TSPAN18: variants seen among roughly 807,000 people sequenced by gnomAD.
The protein encoded by TSPAN18 is tetraspanin 18.
Under a neutral mutation model 27.3 loss-of-function variants are expected in TSPAN18, and 14 were observed. The observed-to-expected ratio is 0.51, with a 90% CI of 0.34 to 0.80. The LOEUF (loss-of-function observed/expected upper bound fraction) is 0.80, where lower values mean the gene tolerates loss of function less well. TSPAN18 is among the 30% of genes least tolerant of loss of function. The pLI is 0.01. For missense variants in TSPAN18, 268 were observed against 323.9 expected (o/e 0.83, Z 1.32); for synonymous variants, 143 against 136.5 (o/e 1.05, Z -0.33).
chr11:44,923,310 G>C (rs987762200), intron 8 of TSPAN18, among the ~76,000 whole-genome samples: 1 of 152,110 alleles, frequency 6.6e-6, no homozygotes, highest in Non-Finnish European at 1.5e-5. Flanking sequence ...GTGGCAGCAG[G>C]GGGTGGGGGA....
intron 1 of TSPAN18, among the ~76,000 whole-genome samples, chr11:44,742,043 T>TTATC (rs33986339): frequency 0.18 from 27,106 of 152,114 alleles, 2,614 homozygotes; most frequent in Middle Eastern, 0.25. Flanking sequence ...AGTGGGATTT[T>TTATC]TATCTCCATT....
At chr11:44,749,632 C>CT (rs71894571) in intron 1 of TSPAN18, among the ~76,000 whole-genome samples, 1,758 of 110,376 alleles carry the variant, frequency 0.016, 27 homozygotes, top group Non-Finnish European at 0.022. Flanking sequence ...GTGGAACTTT[C>CT]TTTTTTTTTT....
At chr11:44,769,558 G>A (rs1418537907) in intron 2 of TSPAN18, among the ~76,000 whole-genome samples, 1 of 152,172 alleles carries the variant, frequency 6.6e-6, no homozygotes, top group Non-Finnish European at 1.5e-5. Context: ...TTATTGATTA[G>A]ATTTCTTTAA....
chr11:44,927,581 T>C (rs568430888), intron 9 of TSPAN18, among the ~76,000 whole-genome samples: 3 of 152,286 alleles, frequency 2.0e-5, no homozygotes, highest in Admixed American at 2.0e-4. Context: ...CTACTGCAGA[T>C]GGCGGAGAGG....
intron 2 of TSPAN18, among the ~76,000 whole-genome samples, chr11:44,845,820 G>A (rs1039975152): frequency 6.6e-6 from 1 of 152,350 alleles, no homozygotes; most frequent in South Asian, 2.1e-4. Flanking sequence ...ACATGGAAGT[G>A]GGTGGGTAGG....
At chr11:44,814,665 TCCATCCATCCATCCATCCATCCAC>T (rs1326619142) in intron 2 of TSPAN18, among the ~76,000 whole-genome samples, 10 of 151,072 alleles carry the variant, frequency 6.6e-5, no homozygotes, top group African/African-American at 2.0e-4. Flanking sequence ...CATCCATCCA[TCCATCCATCCATCCATCCATCCAC>T]CCACCCACCC....
chr11:44,824,452 AC>A (rs1856992810), intron 2 of TSPAN18, among the ~76,000 whole-genome samples: 2 of 152,240 alleles, frequency 1.3e-5, no homozygotes, highest in Non-Finnish European at 2.9e-5. Context: ...GGGGAGGGTC[AC>A]TGGGAAAGTT....
chr11:44,811,681 C>A (rs952000122), intron 2 of TSPAN18, among the ~76,000 whole-genome samples: 1 of 152,116 alleles, frequency 6.6e-6, no homozygotes, highest in Non-Finnish European at 1.5e-5. Context: ...AGGTTGGTCA[C>A]GAACTCCTGA....
intron 2 of TSPAN18, among the ~76,000 whole-genome samples, chr11:44,818,020 G>A (rs1054122978): frequency 4.6e-5 from 7 of 152,224 alleles, no homozygotes; most frequent in Non-Finnish European, 7.3e-5. Flanking sequence ...ACCTATCCAG[G>A]AAATGGGGCT....
intron 2 of TSPAN18, among the ~76,000 whole-genome samples, chr11:44,830,638 G>T (rs557788289): frequency 6.6e-6 from 1 of 152,284 alleles, no homozygotes; most frequent in African/African-American, 2.4e-5. Flanking sequence ...CTTAGGGCAG[G>T]GATCATTCAA....
chr11:44,786,232 CAGATG>C (rs1379623182), intron 2 of TSPAN18, among the ~76,000 whole-genome samples: 3 of 152,242 alleles, frequency 2.0e-5, no homozygotes, highest in Non-Finnish European at 4.4e-5. Flanking sequence ...CTCTGTTTGA[CAGATG>C]AGCAGACTGA....
Position 44,797,894 on chromosome 11 carries a change from G to A in TSPAN18, c.-153+33382G>A, listed in dbSNP as rs191563982. Among the ~76,000 whole-genome samples the A allele has an allele frequency of 5.0e-3, 759 of 152,316 alleles. 2 individuals are homozygous for A. Among genetic ancestry groups the A allele is most frequent in the African/African-American group, 0.018 (738 of 41,574 alleles). On this transcript the variant is annotated intron_variant, in intron 2 of 9. Transcript: ENST00000520358. ...AACAGTTGCTCAGCAGAGAAGTTTA[G>A]GAACGAGTGTGTACTCTGCCTCCAT... is the stretch of plus-strand genomic sequence containing the variant.
intron 8 of TSPAN18, among the ~76,000 whole-genome samples, chr11:44,924,857 C>T (rs751788638): frequency 3.2e-4 from 49 of 152,330 alleles, no homozygotes; most frequent in Non-Finnish European, 5.7e-4. Flanking sequence ...CAAACCTGCA[C>T]GTTGTGCACA....
chr11:44,825,485 G>A (rs1411458030), intron 2 of TSPAN18, among the ~76,000 whole-genome samples: 1 of 152,210 alleles, frequency 6.6e-6, no homozygotes, highest in African/African-American at 2.4e-5. Flanking sequence ...ACCTTCTGCA[G>A]TGTGCGCCCC....
intron 2 of TSPAN18, among the ~76,000 whole-genome samples, chr11:44,834,782 T>A (rs1036864388): frequency 6.6e-6 from 1 of 152,188 alleles, no homozygotes; most frequent in Non-Finnish European, 1.5e-5. Context: ...AATATTTGCA[T>A]GGTTGTCAGA....
intron 4 of TSPAN18, among the ~76,000 whole-genome samples, 197 bp downstream of exon 4, chr11:44,906,676 G>A (rs1425084648): frequency 3.9e-5 from 6 of 152,208 alleles, no homozygotes; most frequent in Admixed American, 3.9e-4. Flanking sequence ...ACCTTCTTAG[G>A]AGAGACATTT....
chr11:44,805,609 C>G (rs1465527201), intron 2 of TSPAN18, among the ~76,000 whole-genome samples: 2 of 152,172 alleles, frequency 1.3e-5, no homozygotes, highest in Non-Finnish European at 2.9e-5. Context: ...CCATGTTTGC[C>G]TTCTGTGTTA....
At chr11:44,727,530 G>A (rs1387035489) in intron 1 of TSPAN18, among the ~76,000 whole-genome samples, 1 of 152,190 alleles carries the variant, frequency 6.6e-6, no homozygotes, top group Non-Finnish European at 1.5e-5. Context: ...CGGGGGCTGC[G>A]CCCAGGACAG....
rs151055533 is a variant in TSPAN18 at position 44,843,572 on chromosome 11, C to T, written c.-152-16756C>T. On this transcript the variant is annotated intron_variant, in intron 2 of 9. Transcript: ENST00000520358. ...ACCGGTCTGACCAAAATTTATTAGG[C>T]AGGAATTCCCTCTTCCTAATAAGCC... 7.1e-3 allele frequency among the ~76,000 whole-genome samples: 1,081 copies of T among 152,264 alleles called. 16 individuals carry two copies. Among genetic ancestry groups the T allele is most frequent in the African/African-American group, 0.024 (1,016 of 41,542 alleles).
Sources: allele counts gnomAD v4.1 joint callset (sites outside exome capture counted in the v4.1 genomes callset), GRCh38; gene constraint gnomAD v4.1.1; transcripts MANE v1.5; gene names NCBI Gene and HGNC (gene_info 2026-07-23, HGNC 2026-07-21).